DBT: variants seen among roughly 807,000 people sequenced by gnomAD.
The protein encoded by DBT is dihydrolipoamide branched chain transacylase E2.
A neutral mutation model predicts 51.3 loss-of-function variants in DBT; 40 were observed. The ratio of observed to expected loss-of-function variants is 0.78; its 90% CI spans 0.61 to 1.02. DBT has a LOEUF of 1.02. Among genes scored for constraint, DBT ranks in the 50% least tolerant of loss-of-function variants. The pLI is 0.00. For synonymous variants in DBT, 181 were observed against 190.4 expected (o/e 0.95, Z 0.41); for missense variants, 510 against 580.2 (o/e 0.88, Z 1.24).
At chr1:100,237,350 G>A (rs1663933482) in intron 2 of DBT, among the ~76,000 whole-genome samples, 1 of 152,164 alleles carries the variant, frequency 6.6e-6, no homozygotes, top group Non-Finnish European at 1.5e-5. Flanking sequence ...TAGGGAGCCT[G>A]GGCGTAACCA....
chr1:100,248,627 A>C (rs1664703157), intron 1 of DBT, among the ~76,000 whole-genome samples: 1 of 152,218 alleles, frequency 6.6e-6, no homozygotes, highest in Non-Finnish European at 1.5e-5. Flanking sequence ...GGGAAACAGG[A>C]TATTGGGATG....
chr1:100,204,764 C>A (rs1379293102), intron 10 of DBT, among the ~76,000 whole-genome samples: 7 of 152,076 alleles, frequency 4.6e-5, no homozygotes, highest in Admixed American at 4.6e-4. Flanking sequence ...GAGAGATAGA[C>A]CAATGGAACC....
chr1:100,235,987 T>G (rs1663842875), intron 2 of DBT, among the ~76,000 whole-genome samples: 1 of 152,206 alleles, frequency 6.6e-6, no homozygotes, highest in African/African-American at 2.4e-5. Flanking sequence ...TCTAGCAAAC[T>G]TGATGGAAAC....
chr1:100,231,949 A>G (rs890536089), intron 3 of DBT, among the ~76,000 whole-genome samples: 2 of 152,240 alleles, frequency 1.3e-5, no homozygotes, highest in Non-Finnish European at 2.9e-5. Context: ...GGTTTGGATC[A>G]CCACAAAAAG....
chr1:100,229,125 T>C (rs1663378282), intron 4 of DBT, among the ~76,000 whole-genome samples: 1 of 152,220 alleles, frequency 6.6e-6, no homozygotes, highest in African/African-American at 2.4e-5. Context: ...GTTCTAACTT[T>C]GGTCCTGTCA....
At chr1:100,232,572 G>A (rs1387863169) in intron 3 of DBT, among the ~76,000 whole-genome samples, 2 of 152,114 alleles carry the variant, frequency 1.3e-5, no homozygotes, top group Non-Finnish European at 2.9e-5. Flanking sequence ...GTTTAAAAAT[G>A]GAATACTTTC....
At chr1:100,201,119 A>G (rs193019924) in intron 10 of DBT, among the ~76,000 whole-genome samples, 1 of 152,280 alleles carries the variant, frequency 6.6e-6, no homozygotes, top group Non-Finnish European at 1.5e-5. Context: ...CTAAAGGAGC[A>G]TGTTCTAACC....
chr1:100,221,254 T>TGG (rs1352302953), intron 4 of DBT, among the ~76,000 whole-genome samples: 2 of 152,230 alleles, frequency 1.3e-5, no homozygotes, highest in Non-Finnish European at 2.9e-5. Flanking sequence ...AATAGTCATG[T>TGG]AGTTGTTGGA....
intron 6 of DBT, among the ~76,000 whole-genome samples, chr1:100,215,603 C>T (rs558287223): frequency 6.6e-6 from 1 of 152,168 alleles, no homozygotes; most frequent in Admixed American, 6.5e-5. Flanking sequence ...GGTGGATCAC[C>T]TGAGGTCAGG....
intron 10 of DBT, among the ~76,000 whole-genome samples, chr1:100,206,005 A>T (rs1661758711): frequency 6.6e-6 from 1 of 151,678 alleles, no homozygotes; most frequent in Non-Finnish European, 1.5e-5. Flanking sequence ...GCAGCAAACC[A>T]CCATGGCAGG....
At chr1:100,198,082 G>T (rs1661209595) in intron 10 of DBT, among the ~76,000 whole-genome samples, 2 of 152,042 alleles carry the variant, frequency 1.3e-5, no homozygotes, top group South Asian at 4.1e-4. Flanking sequence ...ACACCATTAT[G>T]CACAAGAGCC....
rs1557946241 is a variant in DBT at position 100,210,738 on chromosome 1, G to C, written c.973C>G (p.Leu325Val). Residue 325 changes from leucine to valine, a missense_variant, in exon 8 of 11, where the codon CTT (leucine) becomes GTT (valine). Coordinates refer to ENST00000370132, the MANE Select transcript of DBT (RefSeq NM_001918.5). ...ASLGLLQFPI[L>V]NASVDENCQN... ...CAGTTTTCATCCACAGAAGCGTTAA[G>C]GATAGGAAACTGTAGTAATCCCAAG... is the stretch of plus-strand genomic sequence containing the variant. 1 of 1,613,476 alleles carries C rather than the reference G, an allele frequency of 6.2e-7. No homozygotes were observed. Among genetic ancestry groups the C allele is most frequent in the South Asian group, 1.1e-5 (1 of 91,062 alleles).
chr1:100,242,396 AT>A (rs1035147559), intron 1 of DBT, among the ~76,000 whole-genome samples: 1 of 152,122 alleles, frequency 6.6e-6, no homozygotes, highest in African/African-American at 2.4e-5. Flanking sequence ...TTAAATTCTT[AT>A]TTTTTTACTT....
intron 4 of DBT, among the ~76,000 whole-genome samples, chr1:100,228,562 C>T (rs1383213480): frequency 6.6e-6 from 1 of 152,134 alleles, no homozygotes; most frequent in East Asian, 1.9e-4. Context: ...AGTTCAAGAC[C>T]AGCCTGGCCA....
intron 3 of DBT, among the ~76,000 whole-genome samples, chr1:100,233,187 T>C (rs569026917): frequency 5.3e-5 from 8 of 151,944 alleles, no homozygotes; most frequent in Admixed American, 1.3e-4. Flanking sequence ...AGCAAGACCC[T>C]GTCCCTCAAA....
chr1:100,213,691 T>G (rs1158555677), intron 7 of DBT: 1 of 1,604,878 alleles, frequency 6.2e-7, no homozygotes, highest in African/African-American at 1.3e-5. Flanking sequence ...AGGCTCGGCC[T>G]TTCCTACACC....
At position 100,240,840 on chromosome 1, in the gene DBT, C is replaced by T. The variant is rs1484980256; in HGVS notation, c.96G>A (p.Leu32=). 2 of 1,612,548 alleles carry T rather than the reference C, an allele frequency of 1.2e-6. No individual in the cohort carries two copies. Among genetic ancestry groups the T allele is most frequent in the South Asian group, 2.2e-5 (2 of 91,018 alleles). ...CAAAGAAACACACATAATTTGGCTTCAAAACATGAACATTACCACATGTTT... is the reference window on the plus strand; with the variant it reads ...CAAAGAAACACACATAATTTGGCTTTAAAACATGAACATTACCACATGTTT... ...YFQTCGNVHV[L]KPNYVCFFGY... is the part of the protein sequence containing the mutation. Residue 32 remains leucine (L), a synonymous_variant, in exon 2 of 11, where the codon TTG becomes TTA. Transcript: ENST00000370132.
chr1:100,214,670 T>A (rs764151885), intron 7 of DBT, 147 bp downstream of exon 7: 2 of 776,944 alleles, frequency 2.6e-6, no homozygotes, highest in Non-Finnish European at 4.4e-6. Flanking sequence ...AAGAGAATTG[T>A]TTAAACCCGG....
Position 100,191,285 on chromosome 1 carries a change from T to C in DBT, c.*4970A>G, listed in dbSNP as rs1660791315. On this transcript the variant is annotated 3_prime_UTR_variant, in exon 11 of 11. Transcript: ENST00000370132. Reference sequence around the variant, plus strand: ...TTTGAGAGTAGAATTATTTCTCAAATTAACATTGAACTTAAACTGGGAAGA... The same window carrying C: ...TTTGAGAGTAGAATTATTTCTCAAACTAACATTGAACTTAAACTGGGAAGA... 6.6e-6 allele frequency: 1 copy of C among 152,180 alleles called. No individual in the cohort carries two copies. The allele number at this position is 152,180 out of a possible 1,614,324, so 9.4% of individuals were successfully genotyped here. A position where few individuals can be genotyped will look rare whatever the true frequency, so the allele number is the denominator to read the frequency against.
Sources: gnomAD v4.1 joint callset for allele counts (sites outside exome capture counted in the v4.1 genomes callset) on GRCh38, gnomAD v4.1.1 for gene constraint, MANE v1.5 for transcripts, NCBI Gene and HGNC (gene_info 2026-07-23, HGNC 2026-07-21) for gene names.